The following PHF3 variants were observed in gnomAD, a reference collection of about 807,000 sequenced individuals.
PHF3 encodes PHD finger protein 3.
In PHF3, 41 loss-of-function variants were observed where a neutral mutation model predicts 178.4. That is an observed-to-expected ratio of 0.23 (90% CI 0.18 to 0.30). The LOEUF (loss-of-function observed/expected upper bound fraction) is 0.30, where lower values mean the gene tolerates loss of function less well. Among genes scored for constraint, PHF3 ranks in the 10% least tolerant of loss-of-function variants. The pLI, the probability that PHF3 is intolerant of heterozygous loss-of-function variation, is 1.00. For missense variants in PHF3, 2,346 were observed against 2,398.1 expected, an observed-to-expected ratio of 0.98 and a Z score of 0.45; for synonymous variants, 842 against 800.5, an observed-to-expected ratio of 1.05 and a Z score of -0.88.
chr6:63,669,052 T>C (rs188822186), intron 2 of PHF3, among the ~76,000 whole-genome samples: 3 of 152,352 alleles, frequency 2.0e-5, no homozygotes, highest in African/African-American at 7.2e-5. Context: ...AGGCTGAATG[T>C]TGATCATGCT....
intron 2 of PHF3, among the ~76,000 whole-genome samples, chr6:63,650,385 A>G (rs533072119): frequency 6.6e-6 from 1 of 152,318 alleles, no homozygotes; most frequent in East Asian, 1.9e-4. Context: ...AGGTATCCCA[A>G]ATATTTGGGA....
At chr6:63,709,262 ATACC>A in intron 14 of PHF3, 22 bp downstream of exon 14, 1 of 1,401,790 alleles carries the variant, frequency 7.1e-7, no homozygotes. Flanking sequence ...TTTTTTCACT[ATACC>A]AGCATGGGAA....
At chr6:63,693,667 C>T (rs539484166) in intron 5 of PHF3, among the ~76,000 whole-genome samples, 1 of 152,302 alleles carries the variant, frequency 6.6e-6, no homozygotes, top group East Asian at 1.9e-4. Flanking sequence ...TTGAGAACCT[C>T]TTTATCCAGT....
chr6:63,646,339 T>A (rs1764784030), intron 1 of PHF3, among the ~76,000 whole-genome samples, 188 bp from the exon 2 acceptor site: 1 of 152,176 alleles, frequency 6.6e-6, no homozygotes, highest in Admixed American at 6.5e-5. Flanking sequence ...AGAAACATTA[T>A]TTAGTAAAGA....
rs182850548 is a variant in PHF3 at position 63,690,918 on chromosome 6, A to G, written c.2190-819A>G. The stretch of plus-strand genomic sequence containing the variant: ...CGTTTCACATCCCTGGACTTTTCCT[A>G]TTGGTTAGTGAAGTTATTACTTAGC... On this transcript the variant is annotated intron_variant, in intron 4 of 15. Transcript: ENST00000262043. 4.6e-5 allele frequency among the ~76,000 whole-genome samples: 7 copies of G among 152,286 alleles called. No individual in the cohort carries two copies. In the East Asian group the frequency reaches 7.7e-4, roughly 17 times the overall value.
intron 2 of PHF3, among the ~76,000 whole-genome samples, chr6:63,676,609 G>A (rs527590602): frequency 6.6e-6 from 1 of 152,330 alleles, no homozygotes; most frequent in Admixed American, 6.5e-5. Context: ...TGAATCAGCA[G>A]GGGGAGGAGA....
intron 8 of PHF3, among the ~76,000 whole-genome samples, chr6:63,698,830 T>C (rs1392625125): frequency 6.6e-6 from 1 of 152,166 alleles, no homozygotes; most frequent in African/African-American, 2.4e-5. Flanking sequence ...CTTAACCTGA[T>C]TTATATTATT....
chr6:63,683,178 A>G (rs1182696899), intron 3 of PHF3, among the ~76,000 whole-genome samples: 2 of 151,934 alleles, frequency 1.3e-5, no homozygotes, highest in Non-Finnish European at 2.9e-5. Flanking sequence ...AATTGGGCAT[A>G]CTTTTGAAAA....
At position 63,721,727 on chromosome 6, in the gene PHF3, G is replaced by A. The variant is rs1445528035; in HGVS notation, c.*8019G>A. 2 of 1,550,628 alleles carry A rather than the reference G, an allele frequency of 1.3e-6. No homozygotes were observed. The highest frequency in any genetic ancestry group is 2.4e-5 in the South Asian group (2 of 84,042). ...TTACTTTTTGGAGAGTTTCTAGAAT[G>A]ATAGTTCTGTCGCCAAGGTTGTAGC... On this transcript the variant is annotated 3_prime_UTR_variant, in exon 16 of 16. Transcript: ENST00000262043.
At chr6:63,650,905 AT>A (rs57826753) in intron 2 of PHF3, among the ~76,000 whole-genome samples, 5,806 of 151,788 alleles carry the variant, frequency 0.038, 382 homozygotes, top group African/African-American at 0.13. Context: ...ATTACTCCCT[AT>A]TTGTACTTTC....
At position 63,711,590 on chromosome 6, in the gene PHF3, T is replaced by G. The variant is rs757023890; in HGVS notation, c.4002T>G (p.Leu1334=). 1.3e-6 allele frequency: 2 copies of G among 1,568,836 alleles called. No individual in the cohort carries two copies. Among genetic ancestry groups the G allele is most frequent in the Non-Finnish European group, 1.7e-6 (2 of 1,164,740 alleles). ...GATGTTTTTGGTTTTATACAGGGCTTGAACTGCATAGACCTAATCTATTGT... is the reference window on the plus strand; with the variant it reads ...GATGTTTTTGGTTTTATACAGGGCTGGAACTGCATAGACCTAATCTATTGT... The part of the protein sequence containing the change: ...HPLVPFDGPG[L]ELHRPNLLLG... The change falls in exon 16 of 16, where the codon CTT becomes CTG. Residue 1334 remains leucine (L), a synonymous_variant. Coordinates refer to ENST00000262043, the MANE Select transcript of PHF3 (RefSeq NM_001370348.2).
At chr6:63,704,784 G>T (rs915564415) in intron 11 of PHF3, among the ~76,000 whole-genome samples, 2 of 152,064 alleles carry the variant, frequency 1.3e-5, no homozygotes, top group African/African-American at 4.8e-5. Flanking sequence ...GGATTGTATG[G>T]TAAGAGTATG....
Position 63,684,507 on chromosome 6 carries a change from G to A in PHF3, c.785G>A (p.Cys262Tyr). 1.2e-6 allele frequency: 2 copies of A among 1,613,612 alleles called. No homozygotes were observed. The highest frequency in any genetic ancestry group is 1.7e-6 in the Non-Finnish European group (2 of 1,179,782). Residue 262 changes from cysteine to tyrosine, a missense_variant, in exon 4 of 16, where the codon TGT becomes TAT. Physicochemically the swap from Cys to Tyr is radical, Grantham distance 194. Coordinates refer to ENST00000262043, the MANE Select transcript of PHF3 (RefSeq NM_001370348.2). ...AATTGTTCACTTCTTTCAGAGACTTGTGTTACTATTGGAGAAAAGAAAAAT... is the reference window on the plus strand; with the variant it reads ...AATTGTTCACTTCTTTCAGAGACTTATGTTACTATTGGAGAAAAGAAAAAT... ...ELNCSLLSET[C>Y]VTIGEKKNEA...
chr6:63,721,906 A>T lies in PHF3; in HGVS notation c.*8198A>T. ...AAGTTTTAGTTATGGGGAAAAAAGT[A>T]ACAGATCTTGAGCACAATTGTGTTA... On this transcript the variant is annotated 3_prime_UTR_variant, in exon 16 of 16. Coordinates refer to ENST00000262043, the MANE Select transcript of PHF3 (RefSeq NM_001370348.2). 8.2e-6 allele frequency: 8 copies of T among 978,994 alleles called. No individual in the cohort carries two copies. Among genetic ancestry groups the T allele is most frequent in the Non-Finnish European group, 1.2e-5 (8 of 675,806 alleles). The allele number at this position is 978,994 out of a possible 1,614,324, so 60.6% of individuals were successfully genotyped here.
At chr6:63,684,022 C>A (rs1174449607) in intron 3 of PHF3, 107 bp from the exon 4 acceptor site, 2 of 858,162 alleles carry the variant, frequency 2.3e-6, no homozygotes, top group Non-Finnish European at 3.6e-6. Context: ...TTTTGTTGAG[C>A]AAATTATAGC....
intron 2 of PHF3, among the ~76,000 whole-genome samples, chr6:63,672,223 T>A (rs895641901): frequency 6.6e-6 from 1 of 152,208 alleles, no homozygotes; most frequent in Admixed American, 6.5e-5. Flanking sequence ...AACTTTCTCA[T>A]GTGCTATTGC....
At chr6:63,662,050 G>A (rs1215543320) in intron 2 of PHF3, among the ~76,000 whole-genome samples, 2 of 152,140 alleles carry the variant, frequency 1.3e-5, no homozygotes, top group East Asian at 3.9e-4. Flanking sequence ...ATTTTCATAG[G>A]AGCGCGAACC....
intron 2 of PHF3, among the ~76,000 whole-genome samples, chr6:63,650,833 ACAGT>A (rs1764989589): frequency 6.6e-6 from 1 of 152,170 alleles, no homozygotes; most frequent in African/African-American, 2.4e-5. Context: ...TTTCAATCAG[ACAGT>A]ACATTGAACT....
chr6:63,658,513 A>C (rs534520198), intron 2 of PHF3, among the ~76,000 whole-genome samples: 1 of 152,058 alleles, frequency 6.6e-6, no homozygotes, highest in African/African-American at 2.4e-5. Flanking sequence ...GGCATCCAGT[A>C]ATTTTTACTT....
Sources: gnomAD v4.1 joint callset for allele counts (sites outside exome capture counted in the v4.1 genomes callset) on GRCh38, gnomAD v4.1.1 for gene constraint, MANE v1.5 for transcripts, NCBI Gene and HGNC (gene_info 2026-07-23, HGNC 2026-07-21) for gene names.